The following GRIK3 variants were observed in gnomAD, a reference collection of about 807,000 sequenced individuals.
GRIK3 encodes glutamate ionotropic receptor kainate type subunit 3, also known as glutamate receptor ionotropic, kainate 3.
A neutral mutation model predicts 102.5 loss-of-function variants in GRIK3; 29 were observed. The observed-to-expected ratio is 0.28, with a 90% CI of 0.21 to 0.39. The LOEUF (loss-of-function observed/expected upper bound fraction) is 0.39, where lower values mean the gene tolerates loss of function less well. GRIK3 is among the 10% of genes least tolerant of loss of function. GRIK3 has a pLI of 1.00. For synonymous variants in GRIK3, 511 were observed against 504.9 expected, an observed-to-expected ratio of 1.01 and a Z score of -0.16; for missense variants, 908 against 1,252.4, an observed-to-expected ratio of 0.73 and a Z score of 4.15.
chr1:36,897,099 G>A (rs911859652), intron 1 of GRIK3, among the ~76,000 whole-genome samples: 1 of 152,180 alleles, frequency 6.6e-6, no homozygotes, highest in Non-Finnish European at 1.5e-5. Flanking sequence ...AGGCTAGGAT[G>A]TTCACTTTCA....
chr1:36,873,098 T>G (rs1042920117), intron 3 of GRIK3, among the ~76,000 whole-genome samples: 1 of 152,154 alleles, frequency 6.6e-6, no homozygotes, highest in Non-Finnish European at 1.5e-5. Context: ...AGTGGCCTCC[T>G]CCCTCAGCAA....
At chr1:36,961,608 C>T (rs1032984055) in intron 1 of GRIK3, among the ~76,000 whole-genome samples, 4 of 152,230 alleles carry the variant, frequency 2.6e-5, no homozygotes, top group Admixed American at 1.3e-4. Context: ...GCTTCAGGGC[C>T]TATCTGTGAG....
rs899411877 is a variant in GRIK3, at chr1:36,850,242, T to C, written c.1326+69A>G. On this transcript the variant is annotated intron_variant, in intron 9 of 15. Coordinates refer to ENST00000373091, the MANE Select transcript of GRIK3 (RefSeq NM_000831.4). The surrounding 1 kb of genome is among the most constrained non-coding windows in gnomAD (Gnocchi z 4.0). ...TCTGGGTGGGGGGGATAGAGGGGAC[T>C]CTCCAGCCCGAACGGCCACCCCACC... 1.1e-6 allele frequency: 1 copy of C among 943,100 alleles called. No homozygotes were observed. Among genetic ancestry groups the C allele is most frequent in the Non-Finnish European group, 1.7e-6 (1 of 571,592 alleles). The allele number at this position is 943,100 out of a possible 1,614,324, so 58.4% of individuals were successfully genotyped here.
chr1:36,880,281 T>C lies in GRIK3; in HGVS notation c.550+353A>G, dbSNP rs1405415564. ...TGAGGGTGGATGTGTTTGCAGCAGATGGAAATGTGTGAGCGTAAGGGCATG... is the reference window on the plus strand; with the variant it reads ...TGAGGGTGGATGTGTTTGCAGCAGACGGAAATGTGTGAGCGTAAGGGCATG... On this transcript the variant is annotated intron_variant, in intron 3 of 15. Transcript: ENST00000373091. The surrounding 1 kb of genome is among the most constrained non-coding windows in gnomAD (Gnocchi z 5.4). Among the ~76,000 whole-genome samples, 2 of 152,002 alleles carry C rather than the reference T, an allele frequency of 1.3e-5. No homozygotes were observed. The highest frequency in any genetic ancestry group is 6.5e-5 in the Admixed American group (1 of 15,270).
At position 36,825,650 on chromosome 1, in the gene GRIK3, A is replaced by G; in HGVS notation, c.1707T>C (p.Val569=). 6.2e-7 allele frequency: 1 copy of G among 1,609,994 alleles called. No individual in the cohort carries two copies. The highest frequency in any genetic ancestry group is 8.5e-7 in the Non-Finnish European group (1 of 1,178,254). ...AGCTGACCCCCAGGTAGGCGAGGAG[A>G]ACATACATCCAGATGTCTGGGGACA... is the stretch of plus-strand genomic sequence containing the variant. The part of the protein sequence containing the change: ...NPLSPDIWMY[V]LLAYLGVSCV... Residue 569 remains valine, a synonymous_variant, in exon 11 of 16, where the codon GTT becomes GTC. Coordinates refer to ENST00000373091, the MANE Select transcript of GRIK3 (RefSeq NM_000831.4).
rs538468638 is a variant in GRIK3, at chr1:36,947,194, C to T, written c.116-56098G>A. ...CTCCTGGGCCTGGTGTGTGCATTTCCGATCATGGTACCCAACTCACCCTCA... is the reference window on the plus strand; with the variant it reads ...CTCCTGGGCCTGGTGTGTGCATTTCTGATCATGGTACCCAACTCACCCTCA... On this transcript the variant is annotated intron_variant, in intron 1 of 15. Transcript: ENST00000373091. Among the ~76,000 whole-genome samples the T allele has an allele frequency of 1.6e-4, 24 of 152,140 alleles. 1 individual carries two copies. The South Asian group carries it at 4.6e-3, about 29-fold the overall frequency.
chr1:36,927,757 G>T (rs571288305), intron 1 of GRIK3, among the ~76,000 whole-genome samples: 1 of 152,298 alleles, frequency 6.6e-6, no homozygotes, highest in African/African-American at 2.4e-5. Flanking sequence ...GGAGACCAAA[G>T]GTCGGTAATA....
At chr1:36,859,434 G>A (rs994586435) in intron 6 of GRIK3, among the ~76,000 whole-genome samples, 183 bp from the exon 7 acceptor site, 2 of 152,148 alleles carry the variant, frequency 1.3e-5, no homozygotes, top group African/African-American at 4.8e-5. Flanking sequence ...GGCTGACTCT[G>A]CTGCTCTACA....
At chr1:36,987,048 T>G (rs1448749492) in intron 1 of GRIK3, among the ~76,000 whole-genome samples, 10 of 152,232 alleles carry the variant, frequency 6.6e-5, no homozygotes, top group Non-Finnish European at 1.5e-4. Flanking sequence ...CCTGGCTGGC[T>G]GAGCACTCCT....
At position 36,970,795 on chromosome 1, in the gene GRIK3, C is replaced by T. The variant is rs1570835189; in HGVS notation, c.115+63199G>A. On this transcript the variant is annotated intron_variant, in intron 1 of 15. Coordinates refer to ENST00000373091, the MANE Select transcript of GRIK3 (RefSeq NM_000831.4). ...AATTATGCTTTGATTCCACAGATTG[C>T]CCTGCAATGTCTCTTATATTCCTCT... is the stretch of plus-strand genomic sequence containing the variant. 1.3e-5 allele frequency among the ~76,000 whole-genome samples: 2 copies of T among 152,212 alleles called. 1 individual carries two copies. Among genetic ancestry groups the T allele is most frequent in the African/African-American group, 4.8e-5 (2 of 41,458 alleles).
chr1:37,011,209 C>T (rs1642593160), intron 1 of GRIK3, among the ~76,000 whole-genome samples: 1 of 152,110 alleles, frequency 6.6e-6, no homozygotes, highest in African/African-American at 2.4e-5. Flanking sequence ...AGATGCTAGA[C>T]CTAAAGAAGT....
rs549914905 is a variant in GRIK3 at position 36,850,690 on chromosome 1, G to A, written c.1213-266C>T. The stretch of plus-strand genomic sequence containing the variant: ...TGCTGGCAAGCCCATCACAGCTGAA[G>A]GGGAAAATGCAGAGAGAGACAGCAA... On this transcript the variant is annotated intron_variant, in intron 8 of 15. Transcript: ENST00000373091. The surrounding 1 kb of genome is among the most constrained non-coding windows in gnomAD (Gnocchi z 4.0). Among the ~76,000 whole-genome samples, 1 of 152,216 alleles carries A rather than the reference G, an allele frequency of 6.6e-6. No homozygotes were observed. The highest frequency in any genetic ancestry group is 1.5e-5 in the Non-Finnish European group (1 of 68,036).
intron 1 of GRIK3, among the ~76,000 whole-genome samples, chr1:36,941,691 C>T (rs979422120): frequency 6.6e-6 from 1 of 152,178 alleles, no homozygotes; most frequent in South Asian, 2.1e-4. Context: ...CTGTGCTGGG[C>T]GCTTTCTAGG....
chr1:36,812,237 G>A (rs932031468), intron 13 of GRIK3, among the ~76,000 whole-genome samples: 2 of 152,036 alleles, frequency 1.3e-5, no homozygotes, highest in Admixed American at 1.3e-4. Context: ...CAGATGCTAG[G>A]AACCGAGGCT....
rs1570772359 is a variant in GRIK3 at position 36,872,414 on chromosome 1, T to A, written c.551-45A>T. On this transcript the variant is annotated intron_variant, in intron 3 of 15. Transcript: ENST00000373091. The surrounding 1 kb of genome is among the most constrained non-coding windows in gnomAD (Gnocchi z 5.9). ...AAAAGACACACGTGTACCACATGTA[T>A]CCACAGCTCCAGGCATCCACTTGGA... The A allele has an allele frequency of 2.1e-6, 3 of 1,444,718 alleles. No individual in the cohort carries two copies. Among genetic ancestry groups the A allele is most frequent in the Non-Finnish European group, 2.8e-6 (3 of 1,062,720 alleles). 89.5% of individuals were successfully genotyped at this position (1,444,718 alleles called of 1,614,324 possible).
chr1:36,899,801 G>T (rs1334564967), intron 1 of GRIK3, among the ~76,000 whole-genome samples: 1 of 152,186 alleles, frequency 6.6e-6, no homozygotes, highest in Non-Finnish European at 1.5e-5. Context: ...TTTGGGTCAA[G>T]GAACTTTATC....
At chr1:36,831,696 C>T (rs115155869) in intron 10 of GRIK3, among the ~76,000 whole-genome samples, 1,627 of 152,282 alleles carry the variant, frequency 0.011, 31 homozygotes, top group African/African-American at 0.037. Flanking sequence ...ATGGCAACTG[C>T]GGGCCACACA....
intron 1 of GRIK3, among the ~76,000 whole-genome samples, chr1:36,971,323 T>C (rs944140553): frequency 2.0e-5 from 3 of 152,122 alleles, no homozygotes; most frequent in Admixed American, 6.5e-5. Context: ...ATCCTTCCCA[T>C]ACAAATGGAA....
intron 1 of GRIK3, among the ~76,000 whole-genome samples, chr1:37,023,326 CA>C (rs34286119): frequency 0.22 from 25,762 of 118,480 alleles, 3,415 homozygotes; most frequent in African/African-American, 0.43. Context: ...GACTCTATCT[CA>C]AAAAAAAAAA....
Sources: gnomAD v4.1 joint callset for allele counts (sites outside exome capture counted in the v4.1 genomes callset) on GRCh38, gnomAD v4.1.1 for gene constraint, Gnocchi (gnomAD v3.1) non-coding constraint, MANE v1.5 for transcripts, NCBI Gene and HGNC (gene_info 2026-07-23, HGNC 2026-07-21) for gene names.